CSMD2: variants seen among roughly 807,000 people sequenced by gnomAD.
CSMD2 encodes the protein CUB and sushi domain-containing protein 2.
Under a neutral mutation model 398.5 loss-of-function variants are expected in CSMD2, and 130 were observed. That is an observed-to-expected ratio of 0.33 (90% CI 0.28 to 0.38). The LOEUF (loss-of-function observed/expected upper bound fraction) is 0.38. Ranked by LOEUF, CSMD2 falls within the 10% of genes least tolerant of loss-of-function variation. The probability of loss-of-function intolerance (pLI) is 1.00; values close to 1 mark genes in which losing one functional copy is unlikely to be tolerated. For missense variants in CSMD2, 3,829 were observed against 4,764.9 expected, an observed-to-expected ratio of 0.80 and a Z score of 5.78; for synonymous variants, 1,828 against 1,908.5, an observed-to-expected ratio of 0.96 and a Z score of 1.10.
chr1:34,003,393 C>A (rs569167371), intron 3 of CSMD2, among the ~76,000 whole-genome samples: 1 of 152,292 alleles, frequency 6.6e-6, no homozygotes, highest in South Asian at 2.1e-4. Context: ...GCCTTTCTGT[C>A]ATTGCTTTTT....
At chr1:33,681,577 G>T (rs56050374) in intron 25 of CSMD2, among the ~76,000 whole-genome samples, 19 of 152,262 alleles carry the variant, frequency 1.2e-4, no homozygotes, top group Admixed American at 4.6e-4. Context: ...GTACCGTGTA[G>T]TTTTTCTAAA....
At chr1:33,760,162 T>C (rs145000456) in intron 13 of CSMD2, among the ~76,000 whole-genome samples, 87 of 152,336 alleles carry the variant, frequency 5.7e-4, no homozygotes, top group South Asian at 5.0e-3. Context: ...CCTGTGGCCA[T>C]GACTGATTCT....
intron 19 of CSMD2, among the ~76,000 whole-genome samples, chr1:33,721,718 C>T (rs1646364777): frequency 6.6e-6 from 1 of 152,162 alleles, no homozygotes; most frequent in South Asian, 2.1e-4. Flanking sequence ...CCACCCTAGC[C>T]CTGGGTAGGG....
rs1253510814 is a variant in CSMD2, at chr1:33,623,225, G to GA, written c.5722+144dup. On this transcript the variant is annotated intron_variant, in intron 36 of 70. Coordinates refer to ENST00000373381, the MANE Select transcript of CSMD2 (RefSeq NM_001281956.2). The stretch of plus-strand genomic sequence containing the variant: ...GGTTGCAGGACCTTTCGAATCTCCT[G>GA]AAAACCACTGATGTGTCCACTTGAA... The GA allele has an allele frequency of 1.5e-5, 10 of 647,740 alleles. No homozygotes were observed. In the African/African-American group the frequency reaches 1.6e-4, roughly 11 times the overall value. The allele number at this position is 647,740 out of a possible 1,614,324, so 40.1% of individuals were successfully genotyped here. A position where few individuals can be genotyped will look rare whatever the true frequency, so the allele number is the denominator to read the frequency against.
At chr1:33,869,323 A>G (rs1640278847) in intron 5 of CSMD2, 1 of 152,270 alleles carries the variant, frequency 6.6e-6, no homozygotes, top group African/African-American at 2.4e-5. Flanking sequence ...GGAGATAATG[A>G]GAAGCCTCCA....
chr1:33,724,344 A>C (rs1646455206), intron 18 of CSMD2, 31 bp from the exon 19 acceptor site: 1 of 1,568,206 alleles, frequency 6.4e-7, no homozygotes, highest in Non-Finnish European at 8.8e-7. Flanking sequence ...GCAGTGAAAG[A>C]CCAGAGGGCC....
intron 13 of CSMD2, among the ~76,000 whole-genome samples, chr1:33,770,212 A>G (rs1458355884): frequency 2.0e-5 from 3 of 152,250 alleles, no homozygotes; most frequent in Admixed American, 6.5e-5. Context: ...TGGAGCCACA[A>G]TGGAGTGCTA....
chr1:34,093,303 G>C (rs553344379), intron 1 of CSMD2, among the ~76,000 whole-genome samples: 2,839 of 152,212 alleles, frequency 0.019, 27 homozygotes, highest in African/African-American at 0.025. Flanking sequence ...CCACAAAGAT[G>C]GGGAAAAAAC....
rs1218086719 is a variant in CSMD2, at chr1:33,825,708, T to C, written c.1100A>G (p.Lys367Arg). 1.2e-6 allele frequency: 2 copies of C among 1,612,232 alleles called. No homozygotes were observed. Among genetic ancestry groups the C allele is most frequent in the Non-Finnish European group, 8.5e-7 (1 of 1,179,334 alleles). The change falls in exon 7 of 71, where the codon AAG (lysine) becomes AGG (arginine). Residue 367 changes from lysine (K) to arginine (R), a missense_variant. Transcript: ENST00000373381. ...GGGCGGACACTTACACACAGACGTC[T>C]TCTGGCTGTTGTCTTTGCTGGGCAT... Reference protein sequence around the residue: ...KLMPSKDNSQKTSVLTQVGVS... With the variant: ...KLMPSKDNSQRTSVLTQVGVS...
At chr1:34,022,969 C>T (rs1407338226) in intron 3 of CSMD2, among the ~76,000 whole-genome samples, 1 of 152,064 alleles carries the variant, frequency 6.6e-6, no homozygotes, top group Non-Finnish European at 1.5e-5. Context: ...ACAGGTAGGG[C>T]TACGGGTACA....
chr1:33,888,804 G>A (rs567005922), intron 5 of CSMD2, among the ~76,000 whole-genome samples: 25 of 146,734 alleles, frequency 1.7e-4, no homozygotes, highest in African/African-American at 5.8e-4. Context: ...GTCTCCCTCT[G>A]TCGCCCAGGC....
At chr1:33,826,184 T>G (rs1658791908) in intron 6 of CSMD2, among the ~76,000 whole-genome samples, 1 of 152,212 alleles carries the variant, frequency 6.6e-6, no homozygotes, top group Admixed American at 6.5e-5. Context: ...ACCTCAGTTC[T>G]GAGTCAGCCC....
intron 19 of CSMD2, among the ~76,000 whole-genome samples, chr1:33,719,967 A>C (rs75755655): frequency 2.6e-4 from 40 of 152,330 alleles, no homozygotes; most frequent in African/African-American, 9.6e-4. Flanking sequence ...GCACATTCTC[A>C]GGACTCCTGA....
At chr1:33,661,510 T>C (rs1335808124) in intron 26 of CSMD2, among the ~76,000 whole-genome samples, 1 of 152,200 alleles carries the variant, frequency 6.6e-6, no homozygotes, top group African/African-American at 2.4e-5. Context: ...AGGCCCCATA[T>C]TGCAGATCAT....
intron 1 of CSMD2, among the ~76,000 whole-genome samples, chr1:34,122,841 C>A (rs1038810260): frequency 6.6e-6 from 1 of 152,178 alleles, no homozygotes; most frequent in Non-Finnish European, 1.5e-5. Context: ...GGGAGGATAG[C>A]CTGATCCCCA....
At chr1:33,549,371 T>C (rs928822577) in intron 56 of CSMD2, among the ~76,000 whole-genome samples, 11 of 152,176 alleles carry the variant, frequency 7.2e-5, no homozygotes, top group Non-Finnish European at 1.6e-4. Flanking sequence ...ATGGAATCCC[T>C]TCCTAGGGCC....
chr1:33,925,302 C>T (rs954422397), intron 4 of CSMD2, among the ~76,000 whole-genome samples: 12 of 152,090 alleles, frequency 7.9e-5, no homozygotes, highest in Non-Finnish European at 1.2e-4. Flanking sequence ...TTGAAGCAAG[C>T]GTCCTTCCCC....
At chr1:33,747,653 G>A (rs1258799855) in intron 13 of CSMD2, among the ~76,000 whole-genome samples, 1 of 152,164 alleles carries the variant, frequency 6.6e-6, no homozygotes, top group Non-Finnish European at 1.5e-5. Flanking sequence ...GACAATAAAT[G>A]TATACAGGTT....
rs572626053 is a variant in CSMD2 at position 33,581,374 on chromosome 1, A to T, written c.7241-475T>A. On this transcript the variant is annotated intron_variant, in intron 47 of 70. Coordinates refer to ENST00000373381, the MANE Select transcript of CSMD2 (RefSeq NM_001281956.2). Reference sequence around the variant, plus strand: ...TTTACTAAAAAAAAAAAAAAAAAAAAAAAAAAATACAAAAATTATCTGGTC... The same window carrying T: ...TTTACTAAAAAAAAAAAAAAAAAAATAAAAAAATACAAAAATTATCTGGTC... 3.3e-3 allele frequency among the ~76,000 whole-genome samples: 499 copies of T among 149,590 alleles called. 4 individuals are homozygous for T. The highest frequency in any genetic ancestry group is 0.012 in the African/African-American group (477 of 40,976).
Sources: gnomAD v4.1 joint callset for allele counts (sites outside exome capture counted in the v4.1 genomes callset) on GRCh38, gnomAD v4.1.1 for gene constraint, MANE v1.5 for transcripts, NCBI Gene and HGNC (gene_info 2026-07-23, HGNC 2026-07-21) for gene names.